The following DOCK2 variants were observed in gnomAD, a reference collection of about 807,000 sequenced individuals.
DOCK2 encodes the protein dedicator of cytokinesis 2, also known as dedicator of cytokinesis protein 2.
A neutral mutation model predicts 248.9 loss-of-function variants in DOCK2; 87 were observed. That is an observed-to-expected ratio of 0.35 (90% CI 0.29 to 0.42). The LOEUF (loss-of-function observed/expected upper bound fraction) is 0.42. DOCK2 is among the 10% of genes least tolerant of loss of function. DOCK2 has a pLI of 1.00. For synonymous variants in DOCK2, 805 were observed against 821.6 expected (o/e 0.98, Z 0.35); for missense variants, 1,747 against 2,300.2 (o/e 0.76, Z 4.92).
chr5:169,928,503 A>G (rs781125670), intron 27 of DOCK2, among the ~76,000 whole-genome samples: 2 of 152,212 alleles, frequency 1.3e-5, no homozygotes, highest in Non-Finnish European at 2.9e-5. Flanking sequence ...CTGAGAGTGA[A>G]TCCAAGTTAC....
At chr5:169,696,823 GTT>G (rs557131206) in intron 10 of DOCK2, among the ~76,000 whole-genome samples, 38 of 137,082 alleles carry the variant, frequency 2.8e-4, no homozygotes, top group East Asian at 1.3e-3. Context: ...TGAGCTCACT[GTT>G]TTTTTTTTTT....
At chr5:169,883,959 C>A in intron 27 of DOCK2, 2 of 1,391,332 alleles carry the variant, frequency 1.4e-6, no homozygotes, top group Non-Finnish European at 1.9e-6. Context: ...CCCCTTAGGT[C>A]TTTGGAGCAG....
chr5:169,945,738 C>G (rs1371133699), intron 27 of DOCK2, among the ~76,000 whole-genome samples: 1 of 152,160 alleles, frequency 6.6e-6, no homozygotes, highest in Non-Finnish European at 1.5e-5. Flanking sequence ...CTGCAGAACA[C>G]TTGCCTCTGG....
chr5:169,637,670 C>T (rs1286844816), intron 1 of DOCK2, among the ~76,000 whole-genome samples: 1 of 152,174 alleles, frequency 6.6e-6, no homozygotes, highest in Non-Finnish European at 1.5e-5. Context: ...CCAAACTCGG[C>T]GTCCCCAGGA....
rs182022000 is a variant in DOCK2 at position 170,013,387 on chromosome 5, T to C, written c.3232+4641T>C. Among the ~76,000 whole-genome samples the C allele has an allele frequency of 4.7e-4, 71 of 151,878 alleles. 1 individual carries two copies. The highest frequency in any genetic ancestry group is 1.7e-3 in the African/African-American group (71 of 41,282). Reference sequence around the variant, plus strand: ...TGACACAGCAAAGGAGACTTTAAGGTGTGATAAAGTTAAAGATCTTGAAGA... The same window carrying C: ...TGACACAGCAAAGGAGACTTTAAGGCGTGATAAAGTTAAAGATCTTGAAGA... On this transcript the variant is annotated intron_variant, in intron 32 of 51. Coordinates refer to ENST00000520908, the MANE Select transcript of DOCK2 (RefSeq NM_004946.3).
At chr5:169,847,286 G>T (rs973616390) in intron 27 of DOCK2, among the ~76,000 whole-genome samples, 1 of 152,210 alleles carries the variant, frequency 6.6e-6, no homozygotes, top group African/African-American at 2.4e-5. Flanking sequence ...TTGCCACAGA[G>T]ATTGTACTAA....
At chr5:169,730,147 G>A (rs544893523) in intron 22 of DOCK2, among the ~76,000 whole-genome samples, 4 of 152,006 alleles carry the variant, frequency 2.6e-5, no homozygotes, top group African/African-American at 9.7e-5. Flanking sequence ...AGTAGAGATG[G>A]GGTTTTGCCA....
rs901712084 is a variant in DOCK2, at chr5:169,732,508, A to G, written c.2267+13717A>G. Among the ~76,000 whole-genome samples the G allele has an allele frequency of 1.8e-4, 28 of 152,158 alleles. 1 individual carries two copies. The highest frequency in any genetic ancestry group is 6.0e-4 in the African/African-American group (25 of 41,422). ...TGATATCTTCTTTTCTAGTATATCA[A>G]AGGCAACTCAAAGTTAGCACATCGG... On this transcript the variant is annotated intron_variant, in intron 22 of 51. Coordinates refer to ENST00000520908, the MANE Select transcript of DOCK2 (RefSeq NM_004946.3).
intron 46 of DOCK2, 59 bp downstream of exon 46, chr5:170,069,279 T>A: frequency 6.4e-7 from 1 of 1,574,112 alleles, no homozygotes; most frequent in Non-Finnish European, 8.7e-7. Context: ...CCACCGTGGT[T>A]CACTTGCCCC....
chr5:169,872,897 T>G (rs1772078598), intron 27 of DOCK2, among the ~76,000 whole-genome samples: 1 of 152,186 alleles, frequency 6.6e-6, no homozygotes, highest in Non-Finnish European at 1.5e-5. Context: ...TTAGGATGGT[T>G]AGGAGTCTGG....
chr5:170,026,003 C>T (rs1301869249), intron 33 of DOCK2, among the ~76,000 whole-genome samples: 1 of 152,060 alleles, frequency 6.6e-6, no homozygotes, highest in Non-Finnish European at 1.5e-5. Context: ...CACAGTCCTA[C>T]CCATTTTTCC....
At chr5:169,702,850 T>C (rs1423113993) in intron 14 of DOCK2, among the ~76,000 whole-genome samples, 1 of 151,998 alleles carries the variant, frequency 6.6e-6, no homozygotes, top group Admixed American at 6.6e-5. Flanking sequence ...GTGTGGAGGC[T>C]CAGGATGTGC....
chr5:170,073,090 C>T (rs1181877035), intron 46 of DOCK2, among the ~76,000 whole-genome samples: 6 of 152,170 alleles, frequency 3.9e-5, no homozygotes, highest in Non-Finnish European at 8.8e-5. Context: ...ACCCCAAGAT[C>T]ATGAAGATAT....
chr5:169,796,822 A>G (rs779992810), intron 25 of DOCK2, among the ~76,000 whole-genome samples: 2 of 152,216 alleles, frequency 1.3e-5, no homozygotes, highest in South Asian at 4.1e-4. Flanking sequence ...GCAAAAATTC[A>G]GGAGAAGGAG....
chr5:170,012,145 C>T (rs1031397488), intron 32 of DOCK2, among the ~76,000 whole-genome samples: 1 of 152,170 alleles, frequency 6.6e-6, no homozygotes, highest in African/African-American at 2.4e-5. Flanking sequence ...GTCTCTTGAT[C>T]CCAAGTGCAA....
At chr5:170,054,981 C>G (rs1757069132) in intron 41 of DOCK2, among the ~76,000 whole-genome samples, 1 of 152,166 alleles carries the variant, frequency 6.6e-6, no homozygotes, top group Non-Finnish European at 1.5e-5. Context: ...AAGATGTACT[C>G]TGCAATTGAT....
intron 23 of DOCK2, among the ~76,000 whole-genome samples, chr5:169,752,923 G>A (rs1763978945): frequency 6.6e-6 from 1 of 152,120 alleles, no homozygotes; most frequent in South Asian, 2.1e-4. Flanking sequence ...AAATTAGCTG[G>A]GCGTGGTGGC....
Position 170,014,906 on chromosome 5 carries a change from C to T in DOCK2, c.3233-4054C>T, listed in dbSNP as rs544199220. ...CATGATCCAACTGGGGCTTTTCAAACATCTTTGAGGACAAATGAGAAAATA... is the reference window on the plus strand; with the variant it reads ...CATGATCCAACTGGGGCTTTTCAAATATCTTTGAGGACAAATGAGAAAATA... On this transcript the variant is annotated intron_variant, in intron 32 of 51. Coordinates refer to ENST00000520908, the MANE Select transcript of DOCK2 (RefSeq NM_004946.3). Among the ~76,000 whole-genome samples, 122 of 152,248 alleles carry T rather than the reference C, an allele frequency of 8.0e-4. 2 individuals carry two copies. The South Asian group carries it at 0.025, about 31-fold the overall frequency.
chr5:169,789,048 T>C (rs923789105), intron 25 of DOCK2, among the ~76,000 whole-genome samples: 3 of 152,200 alleles, frequency 2.0e-5, no homozygotes, highest in African/African-American at 7.2e-5. Flanking sequence ...AGTGTCCATG[T>C]GTTCTCATCA....
Sources: gnomAD v4.1 joint callset for allele counts (sites outside exome capture counted in the v4.1 genomes callset) on GRCh38, gnomAD v4.1.1 for gene constraint, MANE v1.5 for transcripts, NCBI Gene and HGNC (gene_info 2026-07-23, HGNC 2026-07-21) for gene names.